The following DNAH11 variants were observed in gnomAD, a reference collection of about 807,000 sequenced individuals.
DNAH11 encodes axonemal beta dynein heavy chain 11.
A neutral mutation model predicts 526.0 loss-of-function variants in DNAH11; 442 were observed. That is an observed-to-expected ratio of 0.84 (90% CI 0.78 to 0.91). DNAH11 has a LOEUF of 0.91. Among genes scored for constraint, DNAH11 ranks in the 40% least tolerant of loss-of-function variants. The pLI, the probability that DNAH11 is intolerant of heterozygous loss-of-function variation, is 0.00. For missense variants in DNAH11, 6,989 were observed against 5,448.7 expected (o/e 1.28, Z -8.90); for synonymous variants, 2,461 against 1,935.9 (o/e 1.27, Z -7.12).
intron 25 of DNAH11, among the ~76,000 whole-genome samples, chr7:21,624,707 G>A (rs1214821936): frequency 1.3e-5 from 2 of 152,074 alleles, no homozygotes; most frequent in African/African-American, 4.8e-5. Context: ...CCTTTATTGT[G>A]CTGAAGTACA....
chr7:21,793,406 A>G (rs1788559433), intron 61 of DNAH11, among the ~76,000 whole-genome samples: 1 of 151,994 alleles, frequency 6.6e-6, no homozygotes, highest in Non-Finnish European at 1.5e-5. Flanking sequence ...TCATGAGGTC[A>G]GGAGATTGAG....
intron 62 of DNAH11, among the ~76,000 whole-genome samples, chr7:21,803,008 G>A (rs865911857): frequency 1.3e-5 from 2 of 151,206 alleles, no homozygotes; most frequent in African/African-American, 4.9e-5. Flanking sequence ...GAATTTCATG[G>A]TATGTGAATT....
At chr7:21,719,059 G>A (rs1230775313) in intron 43 of DNAH11, among the ~76,000 whole-genome samples, 1 of 152,148 alleles carries the variant, frequency 6.6e-6, no homozygotes, top group East Asian at 1.9e-4. Context: ...GTATTTGTGT[G>A]ATTCTCTGTG....
At chr7:21,890,867 C>T (rs1278987768) in intron 76 of DNAH11, among the ~76,000 whole-genome samples, 2 of 152,100 alleles carry the variant, frequency 1.3e-5, no homozygotes, top group East Asian at 1.9e-4. Context: ...TCAAGATTTC[C>T]ATTTCTGGCA....
rs10603947 is a variant in DNAH11, at chr7:21,570,883, T to TA, written c.1425+601dup. On this transcript the variant is annotated intron_variant, in intron 7 of 81. Transcript: ENST00000409508. Reference sequence around the variant, plus strand: ...TTATATGGTGTCTATTGGCTTAGTTTAAAAAAAAAAAAAAAAAGTTTAAAT... The same window carrying TA: ...TTATATGGTGTCTATTGGCTTAGTTTAAAAAAAAAAAAAAAAAAGTTTAAAT... Among the ~76,000 whole-genome samples the TA allele has an allele frequency of 1.2e-3, 180 of 147,060 alleles. 2 individuals carry two copies. The Middle Eastern group carries it at 0.018, about 15-fold the overall frequency.
chr7:21,672,294 A>G (rs936933542), intron 30 of DNAH11, among the ~76,000 whole-genome samples: 1 of 152,110 alleles, frequency 6.6e-6, no homozygotes, highest in Admixed American at 6.6e-5. Context: ...GCTCCAGACT[A>G]CTTTTCTAAG....
At chr7:21,679,616 T>C (rs758118367) in intron 30 of DNAH11, among the ~76,000 whole-genome samples, 12 of 152,188 alleles carry the variant, frequency 7.9e-5, no homozygotes, top group Non-Finnish European at 1.3e-4. Flanking sequence ...TTAATATTTT[T>C]ATTTCTTTAA....
Position 21,617,736 on chromosome 7 carries a change from C to G in DNAH11, c.4213C>G (p.Leu1405Val). 1.2e-6 allele frequency: 2 copies of G among 1,610,348 alleles called. No homozygotes were observed. Among genetic ancestry groups the G allele is most frequent in the Non-Finnish European group, 1.7e-6 (2 of 1,178,532 alleles). The change falls in exon 23 of 82, where the codon CTC becomes GTC. Residue 1405 changes from leucine (L) to valine (V), a missense_variant. Leu to Val is a conservative substitution (Grantham distance 32). Coordinates refer to ENST00000409508, the MANE Select transcript of DNAH11 (RefSeq NM_001277115.2). ...CATCACAGAGTTACAGAGCCCTGCC[C>G]TCAGGGACAGGCATTGGCACCAGCT... Reference protein sequence around the residue: ...RAITELQSPALRDRHWHQLMK... With the variant: ...RAITELQSPAVRDRHWHQLMK...
intron 74 of DNAH11, among the ~76,000 whole-genome samples, chr7:21,879,109 C>G (rs1783819722): frequency 6.6e-6 from 1 of 152,022 alleles, no homozygotes; most frequent in Non-Finnish European, 1.5e-5. Flanking sequence ...ATAACCGTAT[C>G]CATGTAGCAT....
intron 35 of DNAH11, among the ~76,000 whole-genome samples, chr7:21,695,276 A>G (rs1783801793): frequency 6.6e-6 from 1 of 152,162 alleles, no homozygotes; most frequent in Non-Finnish European, 1.5e-5. Flanking sequence ...TAAAGAGCCC[A>G]TATAGCCAAG....
chr7:21,810,575 G>T (rs998006467), intron 63 of DNAH11, among the ~76,000 whole-genome samples: 1 of 152,092 alleles, frequency 6.6e-6, no homozygotes, highest in Non-Finnish European at 1.5e-5. Context: ...ACCTGTGAAG[G>T]GCAACAGGGG....
At chr7:21,575,764 T>G (rs545999111) in intron 8 of DNAH11, among the ~76,000 whole-genome samples, 90 of 152,222 alleles carry the variant, frequency 5.9e-4, no homozygotes, top group Non-Finnish European at 7.8e-4. Context: ...GTGCATGCAC[T>G]GGCATATACA....
At chr7:21,897,157 T>TTA (rs1241108880) in intron 79 of DNAH11, among the ~76,000 whole-genome samples, 1 of 152,234 alleles carries the variant, frequency 6.6e-6, no homozygotes. Flanking sequence ...CTTAGTTTTA[T>TTA]AATTTCCTGT....
At chr7:21,622,042 G>A (rs890632392) in intron 25 of DNAH11, among the ~76,000 whole-genome samples, 45 of 152,084 alleles carry the variant, frequency 3.0e-4, no homozygotes, top group African/African-American at 1.1e-3. Flanking sequence ...CCTGTTTGCA[G>A]ATGACATGAT....
chr7:21,786,877 A>C, intron 59 of DNAH11, 110 bp downstream of exon 59: 4 of 1,426,366 alleles, frequency 2.8e-6, no homozygotes, highest in Non-Finnish European at 3.8e-6. Flanking sequence ...AATCATCTTC[A>C]TAGTTGCTGA....
At chr7:21,612,554 CAAA>C (rs34356379) in intron 20 of DNAH11, among the ~76,000 whole-genome samples, 282 of 81,230 alleles carry the variant, frequency 3.5e-3, no homozygotes, top group African/African-American at 8.9e-3. Flanking sequence ...GGCTCCGTCT[CAAA>C]AAAAAAAAAA....
rs546259810 is a variant in DNAH11 at position 21,561,182 on chromosome 7, G to T, written c.982+12G>T. 1 of 1,559,198 alleles carries T rather than the reference G, an allele frequency of 6.4e-7. No homozygotes were observed. Among genetic ancestry groups the T allele is most frequent in the Admixed American group, 1.8e-5 (1 of 54,448 alleles). ...GGCTGTGGAAAATGGTAAGACTCTT[G>T]TTCCTCAGCCTGGCATCAATATCAC... On this transcript the variant is annotated intron_variant, in intron 5 of 81. Coordinates refer to ENST00000409508, the MANE Select transcript of DNAH11 (RefSeq NM_001277115.2).
intron 2 of DNAH11, among the ~76,000 whole-genome samples, chr7:21,553,455 G>A (rs1356118409): frequency 2.0e-5 from 3 of 151,890 alleles, no homozygotes; most frequent in African/African-American, 4.8e-5. Context: ...GTGACTTAGG[G>A]AGGAGGGATC....
At chr7:21,626,417 C>T (rs983590697) in intron 25 of DNAH11, among the ~76,000 whole-genome samples, 6 of 152,128 alleles carry the variant, frequency 3.9e-5, no homozygotes, top group Admixed American at 6.6e-5. Context: ...CTGCAAAAAA[C>T]ATGGAAGTGC....
Sources: gnomAD v4.1 joint callset for allele counts (sites outside exome capture counted in the v4.1 genomes callset) on GRCh38, gnomAD v4.1.1 for gene constraint, MANE v1.5 for transcripts, NCBI Gene and HGNC (gene_info 2026-07-23, HGNC 2026-07-21) for gene names.